The following RIPOR3 variants were observed in gnomAD, a reference collection of about 807,000 sequenced individuals.
RIPOR3 encodes the protein RIPOR family member 3.
Under a neutral mutation model 114.3 loss-of-function variants are expected in RIPOR3, and 95 were observed. The observed-to-expected ratio is 0.83, with a 90% CI of 0.70 to 0.99. The LOEUF (loss-of-function observed/expected upper bound fraction) is 0.99. Among genes scored for constraint, RIPOR3 ranks in the 50% least tolerant of loss-of-function variants. RIPOR3 has a pLI of 0.00. For synonymous variants in RIPOR3, 575 were observed against 543.8 expected (o/e 1.06, Z -0.80); for missense variants, 1,252 against 1,266.9 (o/e 0.99, Z 0.18).
At chr20:50,595,148 TAG>T in intron 16 of RIPOR3, 1 of 600,590 alleles carries the variant, frequency 1.7e-6, no homozygotes, top group Non-Finnish European at 2.9e-6. Flanking sequence ...ATCATTTGCC[TAG>T]AGTCACACAG....
At position 50,691,287 on chromosome 20, in the gene RIPOR3, G is replaced by A; in HGVS notation, c.-159C>T. ...CCATCCACACTGGCCACCAGCCGCTGGTCCCGCTCTCTGGGAAGATCGCCT... is the reference window on the plus strand; with the variant it reads ...CCATCCACACTGGCCACCAGCCGCTAGTCCCGCTCTCTGGGAAGATCGCCT... On this transcript the variant is annotated 5_prime_UTR_variant, in exon 1 of 22. Transcript: ENST00000327979. The A allele has an allele frequency of 1.1e-6, 1 of 924,808 alleles. No individual in the cohort carries two copies. The highest frequency in any genetic ancestry group is 1.5e-6 in the Non-Finnish European group (1 of 672,590). 57.3% of individuals were successfully genotyped at this position (924,808 alleles called of 1,614,324 possible). A position where few individuals can be genotyped will look rare whatever the true frequency, so the allele number is the denominator to read the frequency against.
chr20:50,630,596 T>C (rs1377942947), intron 2 of RIPOR3, 142 bp downstream of exon 2: 1 of 630,540 alleles, frequency 1.6e-6, no homozygotes, highest in Non-Finnish European at 2.8e-6. Flanking sequence ...TCTCTCTCTC[T>C]CTCTGTCTCT....
At chr20:50,641,190 C>T (rs1433958997) in intron 1 of RIPOR3, among the ~76,000 whole-genome samples, 2 of 151,818 alleles carry the variant, frequency 1.3e-5, no homozygotes, top group African/African-American at 4.8e-5. Context: ...GGATTACAGG[C>T]GTGAGCCACC....
chr20:50,655,465 G>A (rs953549701), intron 1 of RIPOR3, among the ~76,000 whole-genome samples: 2 of 152,226 alleles, frequency 1.3e-5, no homozygotes, highest in Admixed American at 6.5e-5. Flanking sequence ...CAAGATGGGC[G>A]CGCTGACGAC....
intron 1 of RIPOR3, among the ~76,000 whole-genome samples, chr20:50,665,762 G>T (rs4809803): frequency 0.81 from 122,887 of 151,820 alleles, 50,783 homozygotes; most frequent in East Asian, 0.95. Flanking sequence ...ACTTTTCAGT[G>T]CACGTAGTTA....
chr20:50,615,924 G>T (rs1448568888), intron 4 of RIPOR3, 78 bp downstream of exon 4: 2 of 1,370,596 alleles, frequency 1.5e-6, no homozygotes, highest in Non-Finnish European at 2.0e-6. Flanking sequence ...CGTGACATAG[G>T]CTAGAAGGAA....
At chr20:50,644,841 T>TA (rs932199448) in intron 1 of RIPOR3, among the ~76,000 whole-genome samples, 3 of 106,098 alleles carry the variant, frequency 2.8e-5, no homozygotes, top group Admixed American at 2.6e-4. Context: ...TTTTTTATTT[T>TA]TTATTTTTTT....
At position 50,596,149 on chromosome 20, in the gene RIPOR3, A is replaced by G. The variant is rs2083280282; in HGVS notation, c.1905T>C (p.Ala635=). ...CCCCTAGCCCAGCCACCTGCAGCAG[A>G]GCTTTGCAGACTTGGAGGTGTACCA... is the stretch of plus-strand genomic sequence containing the variant. ...LLMVHLQVCK[A]LLQKLASPNL... is the part of the protein sequence containing the mutation. Residue 635 remains alanine (A), a synonymous_variant, in exon 15 of 22, where the codon GCT becomes GCC. Coordinates refer to ENST00000327979, the MANE Select transcript of RIPOR3 (RefSeq NM_001290268.2). The G allele has an allele frequency of 6.2e-7, 1 of 1,614,148 alleles. No individual in the cohort carries two copies. The highest frequency in any genetic ancestry group is 8.5e-7 in the Non-Finnish European group (1 of 1,180,048).
In RIPOR3 at chr20:50,629,715, G is replaced by A. The variant is rs567699400; in HGVS notation, c.122+1023C>T. Among the ~76,000 whole-genome samples the A allele has an allele frequency of 1.1e-4, 16 of 152,264 alleles. No homozygotes were observed. The South Asian group carries it at 2.3e-3, about 22-fold the overall frequency. The stretch of plus-strand genomic sequence containing the variant: ...CCTGCCTCCCTCGTGGTTCCTTCCC[G>A]ACAGCCCCGTGAGCAGGGTGCACCC... On this transcript the variant is annotated intron_variant, in intron 2 of 21. Transcript: ENST00000327979.
chr20:50,671,980 G>T (rs2086521017), intron 1 of RIPOR3, among the ~76,000 whole-genome samples: 1 of 93,962 alleles, frequency 1.1e-5, no homozygotes, highest in African/African-American at 3.5e-5. Flanking sequence ...GTGGATGGGT[G>T]CGTGGATGGA....
chr20:50,610,758 T>C, intron 6 of RIPOR3, 95 bp downstream of exon 6: 1 of 1,557,900 alleles, frequency 6.4e-7, no homozygotes, highest in South Asian at 1.1e-5. Flanking sequence ...TGATCCCTGT[T>C]TCGAGGGCAC....
At chr20:50,642,885 C>T (rs567139158) in intron 1 of RIPOR3, among the ~76,000 whole-genome samples, 9 of 152,022 alleles carry the variant, frequency 5.9e-5, no homozygotes, top group Non-Finnish European at 1.3e-4. Flanking sequence ...CCTGTCTCTA[C>T]TAAAAATACA....
At chr20:50,594,269 C>CA (rs2083210299) in intron 17 of RIPOR3, among the ~76,000 whole-genome samples, 1 of 139,670 alleles carries the variant, frequency 7.2e-6, no homozygotes, top group Non-Finnish European at 1.5e-5. Context: ...GAGTGAGACT[C>CA]CATCTCAAAA....
At chr20:50,615,084 A>G (rs2084114242) in intron 4 of RIPOR3, among the ~76,000 whole-genome samples, 1 of 147,502 alleles carries the variant, frequency 6.8e-6, no homozygotes, top group South Asian at 2.1e-4. Flanking sequence ...AAACAAACAA[A>G]TTTAATGGGG....
rs940443623 is a variant in RIPOR3, at chr20:50,608,750, C to T, written c.685-12G>A. 12 of 1,613,732 alleles carry T rather than the reference C, an allele frequency of 7.4e-6. No homozygotes were observed. Among genetic ancestry groups the T allele is most frequent in the Non-Finnish European group, 7.6e-6 (9 of 1,179,740 alleles). On this transcript the variant is annotated splice_polypyrimidine_tract_variant and intron_variant, in intron 9 of 21. Coordinates refer to ENST00000327979, the MANE Select transcript of RIPOR3 (RefSeq NM_001290268.2). Reference sequence around the variant, plus strand: ...AGACGCATGAGCACCTGTGAACCAGCCCGAGAGGGGCCGCGTCAGCCCAGG... The same window carrying T: ...AGACGCATGAGCACCTGTGAACCAGTCCGAGAGGGGCCGCGTCAGCCCAGG...
rs917587718 is a variant in RIPOR3 at position 50,595,304 on chromosome 20, C to T, written c.2050+65G>A. On this transcript the variant is annotated intron_variant, in intron 16 of 21. Transcript: ENST00000327979. Reference sequence around the variant, plus strand: ...TATTAGGAAGGCAGAAGAGGCTCCCCGAGCTTTGATCCCGTCCCCGTGCCG... The same window carrying T: ...TATTAGGAAGGCAGAAGAGGCTCCCTGAGCTTTGATCCCGTCCCCGTGCCG... 89 of 1,579,812 alleles carry T rather than the reference C, an allele frequency of 5.6e-5. 2 individuals are homozygous for T. The highest frequency in any genetic ancestry group is 5.1e-4 in the South Asian group (45 of 88,306).
chr20:50,678,764 C>T (rs1241747128), intron 1 of RIPOR3, among the ~76,000 whole-genome samples: 2 of 152,070 alleles, frequency 1.3e-5, no homozygotes, highest in Non-Finnish European at 2.9e-5. Context: ...AGGCTCCTTG[C>T]AAGTGCTTTG....
chr20:50,671,428 G>GCACA (rs1160861232), intron 1 of RIPOR3, among the ~76,000 whole-genome samples: 619 of 38,138 alleles, frequency 0.016, 5 homozygotes, highest in African/African-American at 0.037. Flanking sequence ...ACGCGCGCGC[G>GCACA]CACACACACA....
At chr20:50,637,890 T>A (rs937158077) in intron 1 of RIPOR3, among the ~76,000 whole-genome samples, 8 of 151,892 alleles carry the variant, frequency 5.3e-5, no homozygotes, top group African/African-American at 9.7e-5. Context: ...AAAATTTTTT[T>A]AAATAAATAA....
Sources: allele counts gnomAD v4.1 joint callset (sites outside exome capture counted in the v4.1 genomes callset), GRCh38; gene constraint gnomAD v4.1.1; transcripts MANE v1.5; gene names NCBI Gene and HGNC (gene_info 2026-07-23, HGNC 2026-07-21).